The following SIK3 variants were observed in gnomAD, a reference collection of about 807,000 sequenced individuals.
SIK3 encodes SIK family kinase 3, also known as serine/threonine-protein kinase SIK3.
A neutral mutation model predicts 144.2 loss-of-function variants in SIK3; 28 were observed. The observed-to-expected ratio is 0.19, with a 90% CI of 0.14 to 0.27. The LOEUF is 0.27. Ranked by LOEUF, SIK3 falls within the 10% of genes least tolerant of loss-of-function variation. The pLI is 1.00. For synonymous variants in SIK3, 686 were observed against 676.3 expected (o/e 1.01, Z -0.22); for missense variants, 1,319 against 1,776.0 (o/e 0.74, Z 4.62).
rs533492148 is a variant in SIK3 at position 116,861,129 on chromosome 11, A to C, written c.2425+145T>G. 33 of 664,970 alleles carry C rather than the reference A, an allele frequency of 5.0e-5. No homozygotes were observed. In the African/African-American group the frequency reaches 6.2e-4, roughly 12 times the overall value. 41.2% of individuals were successfully genotyped at this position (664,970 alleles called of 1,614,324 possible). ...AGAAACTGATGGAACCAGGATGCAA[A>C]CCAAAGCAGCTTGGCTCTAGAGTCC... On this transcript the variant is annotated intron_variant, in intron 19 of 24. Transcript: ENST00000445177.
At position 116,859,312 on chromosome 11, in the gene SIK3, G is replaced by A. The variant is rs1473297818; in HGVS notation, c.2718C>T (p.His906=). The stretch of plus-strand genomic sequence containing the variant: ...CACTCAGCTGCTTGGACAAGGGACG[G>A]TGCCCATAGCTGAGGGTGGCCATCA... ...TNLMATLSYG[H]RPLSKQLSAD... The change falls in exon 20 of 25, where the codon CAC becomes CAT. Residue 906 remains histidine, a synonymous_variant. Coordinates refer to ENST00000445177, the MANE Select transcript of SIK3 (RefSeq NM_001366686.3). 1 of 1,613,360 alleles carries A rather than the reference G, an allele frequency of 6.2e-7. No homozygotes were observed. Among genetic ancestry groups the A allele is most frequent in the Non-Finnish European group, 8.5e-7 (1 of 1,179,512 alleles).
intron 3 of SIK3, among the ~76,000 whole-genome samples, chr11:116,939,977 C>T (rs775774901): frequency 5.9e-5 from 9 of 152,196 alleles, no homozygotes; most frequent in Non-Finnish European, 1.3e-4. Context: ...TTTGAAACAT[C>T]TGCAGAAAGC....
intron 1 of SIK3, 52 bp downstream of exon 1, chr11:117,098,091 C>T: frequency 3.0e-6 from 4 of 1,330,790 alleles, no homozygotes; most frequent in Non-Finnish European, 2.9e-6. Flanking sequence ...GGGGCGCGGA[C>T]CTCTCCCGGC....
chr11:117,025,311 G>A (rs1951963258), intron 1 of SIK3, among the ~76,000 whole-genome samples: 1 of 152,100 alleles, frequency 6.6e-6, no homozygotes, highest in South Asian at 2.1e-4. Flanking sequence ...AGACAGCATG[G>A]TATGACTGAA....
chr11:117,021,686 A>C (rs1951767633), intron 1 of SIK3, among the ~76,000 whole-genome samples: 1 of 152,076 alleles, frequency 6.6e-6, no homozygotes, highest in Non-Finnish European at 1.5e-5. Context: ...TAATTAAGCT[A>C]GGCACCATGG....
At chr11:117,075,038 G>A (rs549047872) in intron 1 of SIK3, among the ~76,000 whole-genome samples, 37 of 152,052 alleles carry the variant, frequency 2.4e-4, no homozygotes, top group African/African-American at 8.4e-4. Context: ...AGTGAAAAAA[G>A]TAAGATGCAG....
chr11:117,027,404 C>T (rs977154800), intron 1 of SIK3, among the ~76,000 whole-genome samples: 1 of 151,706 alleles, frequency 6.6e-6, no homozygotes, highest in Non-Finnish European at 1.5e-5. Context: ...GCATCACAAA[C>T]AACTTTCAGG....
At chr11:116,909,808 G>A (rs371777069) in intron 4 of SIK3, among the ~76,000 whole-genome samples, 3 of 152,280 alleles carry the variant, frequency 2.0e-5, no homozygotes, top group South Asian at 2.1e-4. Context: ...AGAAAAGAGC[G>A]ATACAGTTTG....
intron 6 of SIK3, among the ~76,000 whole-genome samples, chr11:116,885,104 CA>C (rs1944746990): frequency 6.6e-6 from 1 of 152,144 alleles, no homozygotes; most frequent in Non-Finnish European, 1.5e-5. Flanking sequence ...TTATTGTAAT[CA>C]GAATATCCTG....
intron 3 of SIK3, among the ~76,000 whole-genome samples, chr11:116,939,948 A>G (rs1269009899): frequency 1.3e-5 from 2 of 152,242 alleles, no homozygotes; most frequent in African/African-American, 4.8e-5. Context: ...CGTAATTTGT[A>G]CAAACTATAA....
At chr11:116,863,911 G>A in intron 15 of SIK3, 93 bp from the exon 16 acceptor site, 3 of 1,344,490 alleles carry the variant, frequency 2.2e-6, no homozygotes, top group South Asian at 1.4e-5. Context: ...CATAAAGACG[G>A]CTGGCTGCCC....
intron 1 of SIK3, among the ~76,000 whole-genome samples, chr11:116,978,108 C>T (rs1950013551): frequency 6.6e-6 from 1 of 152,134 alleles, no homozygotes; most frequent in South Asian, 2.1e-4. Flanking sequence ...GTCCCAGCTA[C>T]TCAGGAGGCT....
chr11:117,097,210 T>C (rs533056331), intron 1 of SIK3, among the ~76,000 whole-genome samples: 4 of 152,138 alleles, frequency 2.6e-5, no homozygotes, highest in Non-Finnish European at 5.9e-5. Context: ...ATTTCACTCC[T>C]ATAGCGCCTC....
chr11:117,023,616 AAAAAAATATAT>A (rs1951878412), intron 1 of SIK3, among the ~76,000 whole-genome samples: 2 of 115,674 alleles, frequency 1.7e-5, no homozygotes, highest in African/African-American at 4.5e-5. Flanking sequence ...AAACAAAAAA[AAAAAAATATAT>A]ATATATATAT....
intron 1 of SIK3, among the ~76,000 whole-genome samples, chr11:116,996,555 C>T (rs1218318007): frequency 6.6e-6 from 1 of 152,090 alleles, no homozygotes; most frequent in East Asian, 1.9e-4. Context: ...CACGGTGGCT[C>T]ACGCCTGTAA....
chr11:116,978,205 C>T (rs1440992163), intron 1 of SIK3, among the ~76,000 whole-genome samples: 1 of 148,308 alleles, frequency 6.7e-6, no homozygotes, highest in East Asian at 2.0e-4. Flanking sequence ...GTGACAGAGA[C>T]TCCGTCTCAA....
rs535610773 is a variant in SIK3 at position 117,001,137 on chromosome 11, G to C, written c.274-44073C>G. ...GCACGGAAACCTTCCTCTTCTCTGA[G>C]GTTTATGTCACTTGACTGTATGACT... On this transcript the variant is annotated intron_variant, in intron 1 of 24. Transcript: ENST00000445177. Among the ~76,000 whole-genome samples the C allele has an allele frequency of 2.0e-5, 3 of 152,300 alleles. No homozygotes were observed. In the South Asian group the frequency reaches 6.2e-4, roughly 32 times the overall value.
In SIK3 at chr11:116,992,327, A is replaced by C. The variant is rs559210982; in HGVS notation, c.274-35263T>G. On this transcript the variant is annotated intron_variant, in intron 1 of 24. Transcript: ENST00000445177. The stretch of plus-strand genomic sequence containing the variant: ...GCAACAGAGCAAGACCCCCCCCCCC[A>C]AAAAAAAACACCTCATATATTTGTG... 4.6e-3 allele frequency among the ~76,000 whole-genome samples: 518 copies of C among 113,290 alleles called. 4 individuals carry two copies. Among genetic ancestry groups the C allele is most frequent in the African/African-American group, 0.018 (454 of 25,710 alleles). 74.3% of individuals were successfully genotyped at this position (113,290 alleles called of 152,430 possible). A position where few individuals can be genotyped will look rare whatever the true frequency, so the allele number is the denominator to read the frequency against.
Position 116,857,904 on chromosome 11 carries a change from C to A in SIK3, c.3561G>T (p.Leu1187Phe). 6 of 1,614,178 alleles carry A rather than the reference C, an allele frequency of 3.7e-6. No homozygotes were observed. Among genetic ancestry groups the A allele is most frequent in the Non-Finnish European group, 4.2e-6 (5 of 1,180,040 alleles). Residue 1187 changes from leucine to phenylalanine, a missense_variant, in exon 21 of 25, where the codon TTG (leucine) becomes TTT (phenylalanine). Leu to Phe is a conservative substitution (Grantham distance 22). Transcript: ENST00000445177. ...STGGPGDPES[L>F]LGTVSHAQEL... Reference sequence around the variant, plus strand: ...CTTGGGCATGACTCACAGTTCCTAGCAAAGATTCAGGGTCCCCAGGTCCAC... The same window carrying A: ...CTTGGGCATGACTCACAGTTCCTAGAAAAGATTCAGGGTCCCCAGGTCCAC...
Sources: gnomAD v4.1 joint callset for allele counts (sites outside exome capture counted in the v4.1 genomes callset) on GRCh38, gnomAD v4.1.1 for gene constraint, MANE v1.5 for transcripts, NCBI Gene and HGNC (gene_info 2026-07-23, HGNC 2026-07-21) for gene names.